CNTN6: variants seen among roughly 807,000 people sequenced by gnomAD.
The protein encoded by CNTN6 is contactin 6, also known as contactin-6.
Under a neutral mutation model 122.8 loss-of-function variants are expected in CNTN6, and 137 were observed. That is an observed-to-expected ratio of 1.12 (90% CI 0.97 to 1.29). The LOEUF (loss-of-function observed/expected upper bound fraction) is 1.29. Ranked by LOEUF, CNTN6 falls within the 50% of genes most tolerant of loss-of-function variation. The probability of loss-of-function intolerance (pLI) is 0.00; values close to 1 mark genes in which losing one functional copy is unlikely to be tolerated. For missense variants in CNTN6, 1,634 were observed against 1,223.4 expected (o/e 1.34, Z -5.01); for synonymous variants, 570 against 426.0 (o/e 1.34, Z -4.16).
chr3:1,245,308 ATATATATATATATAT>A (rs2094564392), intron 4 of CNTN6, among the ~76,000 whole-genome samples: 1 of 15,654 alleles, frequency 6.4e-5, no homozygotes, highest in Non-Finnish European at 1.1e-4. Flanking sequence ...ATATATATAT[ATATATATATATATAT>A]ATATATATAT....
intron 1 of CNTN6, among the ~76,000 whole-genome samples, chr3:1,109,546 C>G (rs1030918972): frequency 6.6e-6 from 1 of 151,952 alleles, no homozygotes; most frequent in Admixed American, 6.6e-5. Flanking sequence ...AGTAGCTCCT[C>G]TATTACTTTG....
At chr3:1,277,711 A>C (rs1025685229) in intron 4 of CNTN6, among the ~76,000 whole-genome samples, 5 of 152,126 alleles carry the variant, frequency 3.3e-5, no homozygotes, top group African/African-American at 1.2e-4. Context: ...AGGATTTTAC[A>C]GGTAAAGAAA....
intron 1 of CNTN6, among the ~76,000 whole-genome samples, chr3:1,137,427 C>A (rs1019442255): frequency 2.0e-5 from 3 of 152,156 alleles, no homozygotes; most frequent in Non-Finnish European, 4.4e-5. Flanking sequence ...TTTTAAGAAT[C>A]TGTTAGACTA....
chr3:1,122,683 A>G (rs1380928318), intron 1 of CNTN6, among the ~76,000 whole-genome samples: 1 of 151,960 alleles, frequency 6.6e-6, no homozygotes, highest in East Asian at 1.9e-4. Context: ...GATATTTTGT[A>G]TAAATGGATT....
chr3:1,343,969 A>G (rs1704267964), intron 11 of CNTN6, among the ~76,000 whole-genome samples: 1 of 152,188 alleles, frequency 6.6e-6, no homozygotes, highest in East Asian at 1.9e-4. Context: ...AAACTTATCT[A>G]AAAAGAAAAT....
At chr3:1,228,291 A>ATTCTTT (rs576589374) in intron 4 of CNTN6, among the ~76,000 whole-genome samples, 3 of 152,144 alleles carry the variant, frequency 2.0e-5, no homozygotes, top group Non-Finnish European at 2.9e-5. Context: ...ATGATATAGC[A>ATTCTTT]TTCTTTTTCT....
At chr3:1,354,559 TC>T (rs201197506) in intron 12 of CNTN6, among the ~76,000 whole-genome samples, 2,181 of 151,602 alleles carry the variant, frequency 0.014, 63 homozygotes, top group African/African-American at 0.05. Context: ...TGGTTTTTTT[TC>T]TTGTCTTTTC....
chr3:1,304,636 C>T (rs1698024623), intron 7 of CNTN6, among the ~76,000 whole-genome samples: 1 of 152,160 alleles, frequency 6.6e-6, no homozygotes, highest in African/African-American at 2.4e-5. Context: ...AGATATATTT[C>T]CCATTTATAT....
intron 7 of CNTN6, among the ~76,000 whole-genome samples, chr3:1,304,074 C>T (rs758642338): frequency 1.3e-5 from 2 of 152,152 alleles, no homozygotes; most frequent in Non-Finnish European, 2.9e-5. Flanking sequence ...CTCTGCAATT[C>T]CAGCCACTTC....
chr3:1,341,157 T>C lies in CNTN6; in HGVS notation c.1365-11167T>C, dbSNP rs1703828105. Among the ~76,000 whole-genome samples the C allele has an allele frequency of 2.6e-5, 4 of 151,972 alleles. No individual in the cohort carries two copies. In the South Asian group the frequency reaches 8.3e-4, roughly 31 times the overall value. On this transcript the variant is annotated intron_variant, in intron 11 of 22. Transcript: ENST00000446702. ...CTATTGTATTTTCAATGTGTTCTCC[T>C]CTAGTAACTTTGGGAGCATAGTTTG...
At chr3:1,147,155 A>T (rs1416385345) in intron 1 of CNTN6, among the ~76,000 whole-genome samples, 2 of 152,114 alleles carry the variant, frequency 1.3e-5, no homozygotes, top group Non-Finnish European at 2.9e-5. Context: ...GCAAGAAAAT[A>T]TGTTTCCACT....
intron 1 of CNTN6, among the ~76,000 whole-genome samples, chr3:1,127,472 A>G (rs2092203721): frequency 6.6e-6 from 1 of 151,902 alleles, no homozygotes; most frequent in African/African-American, 2.4e-5. Context: ...TCAGAATTAC[A>G]TGTAAACGCA....
At chr3:1,319,844 A>AAAAT (rs1700601003) in intron 7 of CNTN6, among the ~76,000 whole-genome samples, 1 of 140,510 alleles carries the variant, frequency 7.1e-6, no homozygotes, top group Non-Finnish European at 1.6e-5. Context: ...AAAATAAAAT[A>AAAAT]AAATAAAATA....
In CNTN6 at chr3:1,345,072, A is replaced by T. The variant is rs146333756; in HGVS notation, c.1365-7252A>T. Among the ~76,000 whole-genome samples the T allele has an allele frequency of 3.1e-3, 470 of 151,888 alleles. 1 individual carries two copies. The highest frequency in any genetic ancestry group is 0.011 in the African/African-American group (443 of 41,436). On this transcript the variant is annotated intron_variant, in intron 11 of 22. Transcript: ENST00000446702. ...GATTAAATCTTTGAATTTTGCCTGG[A>T]CAGGGGTATCAGATGTTCTCTGTGT...
intron 8 of CNTN6, among the ~76,000 whole-genome samples, chr3:1,324,968 C>T (rs775321050): frequency 2.9e-5 from 4 of 139,678 alleles, no homozygotes; most frequent in Non-Finnish European, 5.9e-5. Context: ...CCAAGGGAAG[C>T]GTCATATACT....
At chr3:1,293,337 T>C (rs2125855104) in intron 5 of CNTN6, among the ~76,000 whole-genome samples, 1 of 152,106 alleles carries the variant, frequency 6.6e-6, no homozygotes, top group Non-Finnish European at 1.5e-5. Context: ...TTTTTCTCGA[T>C]GGAAGGGATG....
At chr3:1,397,124 C>G (rs1695084711) in intron 20 of CNTN6, among the ~76,000 whole-genome samples, 1 of 152,172 alleles carries the variant, frequency 6.6e-6, no homozygotes, top group African/African-American at 2.4e-5. Flanking sequence ...TGAGCCATGC[C>G]TAGAGTTAGA....
At chr3:1,162,750 AC>A (rs1219682663) in intron 2 of CNTN6, among the ~76,000 whole-genome samples, 1 of 152,264 alleles carries the variant, frequency 6.6e-6, no homozygotes, top group Non-Finnish European at 1.5e-5. Flanking sequence ...GTCCAAAAGC[AC>A]GTGAGGATTG....
chr3:1,247,325 T>C (rs1458150341), intron 4 of CNTN6, among the ~76,000 whole-genome samples: 2 of 151,896 alleles, frequency 1.3e-5, no homozygotes, highest in Admixed American at 6.6e-5. Flanking sequence ...GCATGCCTGC[T>C]TGAGCCTGCT....
Sources: gnomAD v4.1 joint callset for allele counts (sites outside exome capture counted in the v4.1 genomes callset) on GRCh38, gnomAD v4.1.1 for gene constraint, MANE v1.5 for transcripts, NCBI Gene and HGNC (gene_info 2026-07-23, HGNC 2026-07-21) for gene names.